Variants in SPECC1 observed in about 807,000 individuals in gnomAD.
SPECC1 encodes sperm antigen with calponin homology and coiled-coil domains 1.
SPECC1 carries 62 observed loss-of-function variants against 104.1 expected under a neutral mutation model. That is an observed-to-expected ratio of 0.60 (90% CI 0.49 to 0.74). SPECC1 has a LOEUF of 0.74. Ranked by LOEUF, SPECC1 falls within the 30% of genes least tolerant of loss-of-function variation. The probability of loss-of-function intolerance (pLI) is 0.00; values close to 1 mark genes in which losing one functional copy is unlikely to be tolerated. For synonymous variants in SPECC1, 513 were observed against 501.6 expected, an observed-to-expected ratio of 1.02 and a Z score of -0.30; for missense variants, 1,306 against 1,310.5, an observed-to-expected ratio of 1.00 and a Z score of 0.05.
chr17:20,095,557 G>C (rs1209441497), intron 1 of SPECC1: 1 of 152,302 alleles, frequency 6.6e-6, no homozygotes, highest in Non-Finnish European at 1.5e-5. Flanking sequence ...GTCGCAGACT[G>C]AGCAGGATGC....
intron 1 of SPECC1, among the ~76,000 whole-genome samples, chr17:20,056,082 G>C (rs1567816266): frequency 6.6e-6 from 1 of 152,182 alleles, no homozygotes; most frequent in African/African-American, 2.4e-5. Context: ...AAGAGGTAGA[G>C]GATCTGGACT....
intron 3 of SPECC1, among the ~76,000 whole-genome samples, chr17:20,185,787 T>C (rs1456988874): frequency 6.6e-6 from 1 of 152,320 alleles, no homozygotes; most frequent in Non-Finnish European, 1.5e-5. Context: ...GAAGCATTTG[T>C]CTAGTGATAA....
chr17:20,224,811 C>G (rs1478703348), intron 4 of SPECC1, among the ~76,000 whole-genome samples: 1 of 152,024 alleles, frequency 6.6e-6, no homozygotes, highest in Non-Finnish European at 1.5e-5. Context: ...GAGCTGTGCC[C>G]AAGTTGCAAG....
chr17:20,080,136 G>T (rs1356255648), intron 1 of SPECC1, among the ~76,000 whole-genome samples: 2 of 152,168 alleles, frequency 1.3e-5, no homozygotes, highest in Admixed American at 6.5e-5. Flanking sequence ...CAATGAAAAT[G>T]AAATGATGCT....
intron 7 of SPECC1, chr17:20,238,198 A>G (rs2039023355): frequency 2.9e-6 from 3 of 1,038,086 alleles, no homozygotes; most frequent in Non-Finnish European, 3.5e-6. Context: ...TAAGCCGGAT[A>G]GGTAAGCACG....
At chr17:20,099,494 G>A (rs1489547054) in intron 2 of SPECC1, among the ~76,000 whole-genome samples, 2 of 115,840 alleles carry the variant, frequency 1.7e-5, no homozygotes, top group African/African-American at 6.6e-5. Flanking sequence ...CCAACATGGT[G>A]AAATCCTGTC....
intron 5 of SPECC1, among the ~76,000 whole-genome samples, chr17:20,228,899 T>C (rs2038398716): frequency 6.6e-6 from 1 of 152,252 alleles, no homozygotes; most frequent in Non-Finnish European, 1.5e-5. Context: ...CACCAGCCAT[T>C]ACTAAGAATA....
chr17:20,275,117 C>T (rs2151646788), intron 12 of SPECC1, among the ~76,000 whole-genome samples: 1 of 152,122 alleles, frequency 6.6e-6, no homozygotes, highest in African/African-American at 2.4e-5. Context: ...CATATGGTTT[C>T]TTCTCTTTTG....
At chr17:20,059,911 TA>T (rs2046121052) in intron 1 of SPECC1, among the ~76,000 whole-genome samples, 1 of 152,180 alleles carries the variant, frequency 6.6e-6, no homozygotes, top group African/African-American at 2.4e-5. Flanking sequence ...TGCTGATTCA[TA>T]CCTTGCAAAG....
At position 20,093,733 on chromosome 17, in the gene SPECC1, G is replaced by T. The variant is rs202233079; in HGVS notation, c.-21-2898G>T. 6.2e-4 allele frequency among the ~76,000 whole-genome samples: 80 copies of T among 129,768 alleles called. No homozygotes were observed. In the South Asian group the frequency reaches 6.4e-3, roughly 10 times the overall value. 85.1% of individuals were successfully genotyped at this position (129,768 alleles called of 152,430 possible). ...GTTTTTGTTTTTGTTTTTGTTTTTT[G>T]TTTTTTTTTTTTTTGGAGATGGAGT... On this transcript the variant is annotated intron_variant, in intron 1 of 14. Coordinates refer to ENST00000395527, the MANE Select transcript of SPECC1 (RefSeq NM_001243439.2).
intron 3 of SPECC1, among the ~76,000 whole-genome samples, chr17:20,174,274 A>G (rs1476368885): frequency 1.3e-5 from 2 of 152,256 alleles, no homozygotes; most frequent in Admixed American, 6.5e-5. Context: ...AAAGACTATT[A>G]TAATACTGGA....
In SPECC1 at chr17:20,203,506, A is replaced by G. The variant is rs201082655; in HGVS notation, c.284-827A>G. The stretch of plus-strand genomic sequence containing the variant: ...CTATATCATGTCAAGTAACATAGGT[A>G]TGTTCTTATTTCATTTATTCTTGTT... On this transcript the variant is annotated intron_variant, in intron 3 of 14. Coordinates refer to ENST00000395527, the MANE Select transcript of SPECC1 (RefSeq NM_001243439.2). Among the ~76,000 whole-genome samples the G allele has an allele frequency of 8.5e-5, 13 of 152,314 alleles. No homozygotes were observed. In the East Asian group the frequency reaches 2.3e-3, roughly 27 times the overall value.
intron 3 of SPECC1, among the ~76,000 whole-genome samples, chr17:20,192,844 T>C (rs1468930476): frequency 6.6e-6 from 1 of 151,746 alleles, no homozygotes; most frequent in Non-Finnish European, 1.5e-5. Flanking sequence ...CTTATTTTTA[T>C]GAAGTTTCTT....
At position 20,246,021 on chromosome 17, in the gene SPECC1, C is replaced by T. The variant is rs771022691; in HGVS notation, c.2447C>T (p.Ser816Leu). Residue 816 changes from serine (S) to leucine (L), a missense_variant, in exon 8 of 15, where the codon TCG becomes TTG. By Grantham distance (145) the Ser-to-Leu change is moderately radical. This residue lies in a region of SPECC1 where 1,177 missense variants were observed against 1,139.9 expected (regional missense o/e 1.03). Transcript: ENST00000395527. The stretch of plus-strand genomic sequence containing the variant: ...AGAACATCTCCAACACCCCCAGAGT[C>T]GGCAACCACCGTTAAGTCACTTATC... ...VSRTSPTPPE[S>L]ATTVKSLIKS... 6.2e-6 allele frequency: 10 copies of T among 1,614,190 alleles called. No individual in the cohort carries two copies. The highest frequency in any genetic ancestry group is 6.8e-6 in the Non-Finnish European group (8 of 1,180,020).
intron 3 of SPECC1, among the ~76,000 whole-genome samples, chr17:20,173,397 A>G (rs78172557): frequency 0.038 from 5,774 of 152,296 alleles, 360 homozygotes; most frequent in African/African-American, 0.13. Context: ...ACTTTTATTT[A>G]TCAAAGTGCC....
intron 3 of SPECC1, among the ~76,000 whole-genome samples, chr17:20,179,414 G>A (rs2034706290): frequency 2.0e-5 from 3 of 152,336 alleles, no homozygotes; most frequent in Admixed American, 6.5e-5. Context: ...ATCAAAGTCT[G>A]GGACAGGTGT....
At chr17:20,153,258 T>C (rs1283165796) in intron 3 of SPECC1, among the ~76,000 whole-genome samples, 2 of 152,114 alleles carry the variant, frequency 1.3e-5, no homozygotes, top group African/African-American at 4.8e-5. Context: ...TGGCTCAACA[T>C]TGCTGTAATA....
intron 1 of SPECC1, among the ~76,000 whole-genome samples, chr17:20,046,027 C>G (rs1392713976): frequency 6.0e-5 from 9 of 149,982 alleles, no homozygotes; most frequent in Non-Finnish European, 1.0e-4. Flanking sequence ...AAAAAAAAAA[C>G]CATTAGCATA....
chr17:20,101,418 G>A (rs2047940421), intron 2 of SPECC1, among the ~76,000 whole-genome samples: 1 of 152,214 alleles, frequency 6.6e-6, no homozygotes, highest in Non-Finnish European at 1.5e-5. Flanking sequence ...AGTGACCAGT[G>A]ATGATGAGCT....
Sources: gnomAD v4.1 joint callset for allele counts (sites outside exome capture counted in the v4.1 genomes callset) on GRCh38, gnomAD v4.1.1 for gene constraint, gnomAD v4.1.1 regional missense constraint, MANE v1.5 for transcripts, NCBI Gene and HGNC (gene_info 2026-07-23, HGNC 2026-07-21) for gene names.